The following SCAPER variants were observed in gnomAD, a reference collection of about 807,000 sequenced individuals.
The protein encoded by SCAPER is S-phase cyclin A associated protein in the ER, also known as S phase cyclin A-associated protein in the endoplasmic reticulum.
Under a neutral mutation model 182.2 loss-of-function variants are expected in SCAPER, and 98 were observed. The observed-to-expected ratio is 0.54, with a 90% CI of 0.46 to 0.64. The LOEUF (loss-of-function observed/expected upper bound fraction) is 0.64, where lower values mean the gene tolerates loss of function less well. Ranked by LOEUF, SCAPER falls within the 30% of genes least tolerant of loss-of-function variation. The pLI is 0.00. For synonymous variants in SCAPER, 605 were observed against 564.6 expected (o/e 1.07, Z -1.01); for missense variants, 1,432 against 1,690.0 (o/e 0.85, Z 2.68).
chr15:76,417,188 G>A lies in SCAPER; in HGVS notation c.3312-12509C>T, dbSNP rs565585902. On this transcript the variant is annotated intron_variant, in intron 26 of 31. Coordinates refer to ENST00000563290, the MANE Select transcript of SCAPER (RefSeq NM_020843.4). The stretch of plus-strand genomic sequence containing the variant: ...AACACAAACCCGGTAATTATCTTTG[G>A]GTGGTGGAATTAAAGATAGTCTGTG... Among the ~76,000 whole-genome samples the A allele has an allele frequency of 2.6e-5, 4 of 151,406 alleles. No individual in the cohort carries two copies. In the East Asian group the frequency reaches 7.8e-4, roughly 29 times the overall value.
At chr15:76,415,659 G>A (rs534128003) in intron 26 of SCAPER, among the ~76,000 whole-genome samples, 14 of 152,010 alleles carry the variant, frequency 9.2e-5, no homozygotes, top group Non-Finnish European at 1.9e-4. Context: ...TTTAAAAAAC[G>A]ATTAAAAGTA....
At chr15:76,631,099 A>C (rs140822711) in intron 21 of SCAPER, among the ~76,000 whole-genome samples, 1 of 152,242 alleles carries the variant, frequency 6.6e-6, no homozygotes, top group East Asian at 1.9e-4. Flanking sequence ...TTTTGTCAGA[A>C]ACTAAGATTG....
chr15:76,879,014 C>T (rs1414315255), intron 2 of SCAPER, among the ~76,000 whole-genome samples: 1 of 152,162 alleles, frequency 6.6e-6, no homozygotes, highest in Non-Finnish European at 1.5e-5. Context: ...CTCCCATACA[C>T]TACCGACAGG....
chr15:76,889,489 A>C (rs1051977416), intron 1 of SCAPER, among the ~76,000 whole-genome samples: 2 of 152,130 alleles, frequency 1.3e-5, no homozygotes, highest in African/African-American at 4.8e-5. Context: ...CTACCAAGCA[A>C]ATGGAGAGCA....
intron 21 of SCAPER, among the ~76,000 whole-genome samples, chr15:76,631,101 C>A (rs2053067927): frequency 6.6e-6 from 1 of 152,124 alleles, no homozygotes; most frequent in Non-Finnish European, 1.5e-5. Context: ...TTGTCAGAAA[C>A]TAAGATTGCA....
intron 25 of SCAPER, among the ~76,000 whole-genome samples, chr15:76,460,303 G>A (rs1388583112): frequency 6.6e-6 from 1 of 151,992 alleles, no homozygotes; most frequent in African/African-American, 2.4e-5. Context: ...TCATTCCTAA[G>A]AATTTTATTT....
intron 21 of SCAPER, among the ~76,000 whole-genome samples, chr15:76,626,486 G>A (rs2052584245): frequency 6.6e-6 from 1 of 152,196 alleles, no homozygotes. Context: ...AGAGGCTGAG[G>A]CGGGTGGATC....
At position 76,352,051 on chromosome 15, in the gene SCAPER, T is replaced by C. The variant is rs1273891222; in HGVS notation, c.4048-763A>G. 2.0e-5 allele frequency among the ~76,000 whole-genome samples: 3 copies of C among 152,354 alleles called. No homozygotes were observed. The South Asian group carries it at 6.2e-4, about 32-fold the overall frequency. On this transcript the variant is annotated intron_variant, in intron 30 of 31. Transcript: ENST00000563290. Reference sequence around the variant, plus strand: ...GATCCTGATATCATTTGTATCATTATAAGTCATTGTCTATGCAGTTGAAAA... The same window carrying C: ...GATCCTGATATCATTTGTATCATTACAAGTCATTGTCTATGCAGTTGAAAA...
Position 76,550,949 on chromosome 15 carries a change from A to T in SCAPER, c.2838+23209T>A, listed in dbSNP as rs566083096. 1.1e-4 allele frequency among the ~76,000 whole-genome samples: 16 copies of T among 152,266 alleles called. 1 individual carries two copies. In the South Asian group the frequency reaches 3.1e-3, roughly 30 times the overall value. ...CGTACAAATGGCCAACAGGTATATAAAAAAAATTCTCAACATCACTAATCA... is the reference window on the plus strand; with the variant it reads ...CGTACAAATGGCCAACAGGTATATATAAAAAATTCTCAACATCACTAATCA... On this transcript the variant is annotated intron_variant, in intron 23 of 31. Transcript: ENST00000563290.
At chr15:76,466,413 G>GTTTT (rs1567197092) in intron 25 of SCAPER, among the ~76,000 whole-genome samples, 1 of 48,618 alleles carries the variant, frequency 2.1e-5, no homozygotes, top group Non-Finnish European at 5.1e-5. Flanking sequence ...AAATTGGTTG[G>GTTTT]TTCTTCTTTT....
chr15:76,726,124 A>AATATATATATATATATATAT (rs765875424), intron 17 of SCAPER, among the ~76,000 whole-genome samples: 6 of 15,348 alleles, frequency 3.9e-4, no homozygotes, highest in African/African-American at 5.8e-4. Context: ...TAATGTCTAG[A>AATATATATATATATATATAT]ATATATATAT....
rs1397780744 is a variant in SCAPER at position 76,862,504 on chromosome 15, G to A, written c.36C>T (p.Asp12=). 6.2e-7 allele frequency: 1 copy of A among 1,612,706 alleles called. No homozygotes were observed. The highest frequency in any genetic ancestry group is 1.1e-5 in the South Asian group (1 of 90,950). The change falls in exon 3 of 32, where the codon GAC becomes GAT. Residue 12 remains aspartate, a synonymous_variant. Transcript: ENST00000563290. ...MASFQRSNSH[D]KVRRIVAEEG... ...CCTCTGCAACTATTCTCCTTACTTT[G>A]TCATGACTATTGGAGCGCTGGAATG...
chr15:76,631,957 T>C (rs1294065757), intron 21 of SCAPER, among the ~76,000 whole-genome samples: 1 of 152,198 alleles, frequency 6.6e-6, no homozygotes, highest in African/African-American at 2.4e-5. Context: ...AACAGTCCCA[T>C]AGTTCTCAGA....
intron 23 of SCAPER, among the ~76,000 whole-genome samples, chr15:76,566,629 A>G (rs954564748): frequency 2.0e-5 from 3 of 152,150 alleles, no homozygotes; most frequent in South Asian, 2.1e-4. Context: ...TACAGATCGC[A>G]TTCACTTGGA....
rs1047036945 is a variant in SCAPER at position 76,857,888 on chromosome 15, C to G, written c.125-9G>C. On this transcript the variant is annotated splice_polypyrimidine_tract_variant and intron_variant, in intron 3 of 31. Coordinates refer to ENST00000563290, the MANE Select transcript of SCAPER (RefSeq NM_020843.4). ...TTGACATTTAGGTTTTCCTTCAAGGCAAGAAAAAAATAAATATGTAGATAT... is the reference window on the plus strand; with the variant it reads ...TTGACATTTAGGTTTTCCTTCAAGGGAAGAAAAAAATAAATATGTAGATAT... 6 of 1,530,420 alleles carry G rather than the reference C, an allele frequency of 3.9e-6. No homozygotes were observed. Among genetic ancestry groups the G allele is most frequent in the Non-Finnish European group, 5.3e-6 (6 of 1,132,826 alleles). 94.8% of individuals were successfully genotyped at this position (1,530,420 alleles called of 1,614,324 possible). A position where few individuals can be genotyped will look rare whatever the true frequency, so the allele number is the denominator to read the frequency against.
chr15:76,637,742 A>ATATATATATATATATATATATGTG (rs1414519401), intron 21 of SCAPER, among the ~76,000 whole-genome samples: 1 of 105,844 alleles, frequency 9.4e-6, no homozygotes, highest in African/African-American at 3.8e-5. Flanking sequence ...ATATATATAT[A>ATATATATATATATATATATATGTG]TGTGTGTGTG....
intron 27 of SCAPER, among the ~76,000 whole-genome samples, chr15:76,402,884 G>A (rs1049599936): frequency 6.6e-6 from 1 of 152,060 alleles, no homozygotes; most frequent in Non-Finnish European, 1.5e-5. Context: ...CAAAAAACAA[G>A]TGACGGTGAA....
chr15:76,844,798 T>C (rs1038007410), intron 4 of SCAPER, among the ~76,000 whole-genome samples: 1 of 152,056 alleles, frequency 6.6e-6, no homozygotes, highest in African/African-American at 2.4e-5. Flanking sequence ...AAAAAAGAAC[T>C]AGTACCAATC....
At position 76,703,034 on chromosome 15, in the gene SCAPER, A is replaced by G. The variant is rs757276550; in HGVS notation, c.2248-32T>C. 5.5e-5 allele frequency: 84 copies of G among 1,514,532 alleles called. No homozygotes were observed. The South Asian group carries it at 9.9e-4, about 18-fold the overall frequency. 93.8% of individuals were successfully genotyped at this position (1,514,532 alleles called of 1,614,324 possible). On this transcript the variant is annotated intron_variant, in intron 18 of 31. Transcript: ENST00000563290. Reference sequence around the variant, plus strand: ...ATGAAGTCAAAGTGCAAGAATTTCAAAAATTATTCAAATTATGGTGAGAAA... The same window carrying G: ...ATGAAGTCAAAGTGCAAGAATTTCAGAAATTATTCAAATTATGGTGAGAAA...
Sources: gnomAD v4.1 joint callset for allele counts (sites outside exome capture counted in the v4.1 genomes callset) on GRCh38, gnomAD v4.1.1 for gene constraint, MANE v1.5 for transcripts, NCBI Gene and HGNC (gene_info 2026-07-23, HGNC 2026-07-21) for gene names.